The following BNC2 variants were observed in gnomAD, a reference collection of about 807,000 sequenced individuals.
The protein encoded by BNC2 is zinc finger protein basonuclin-2.
A neutral mutation model predicts 76.3 loss-of-function variants in BNC2; 20 were observed. The ratio of observed to expected loss-of-function variants is 0.26; its 90% confidence interval spans 0.18 to 0.38. The LOEUF (loss-of-function observed/expected upper bound fraction) is 0.38. Ranked by LOEUF, BNC2 falls within the 10% of genes least tolerant of loss-of-function variation. The pLI, the probability that BNC2 is intolerant of heterozygous loss-of-function variation, is 1.00. For synonymous variants in BNC2, 582 were observed against 514.8 expected, an observed-to-expected ratio of 1.13 and a Z score of -1.77; for missense variants, 1,382 against 1,399.8, an observed-to-expected ratio of 0.99 and a Z score of 0.20.
At chr9:16,474,063 A>G (rs1455953948) in intron 5 of BNC2, among the ~76,000 whole-genome samples, 1 of 152,216 alleles carries the variant, frequency 6.6e-6, no homozygotes, top group East Asian at 1.9e-4. Context: ...GATACCAAAG[A>G]TAAACAAAGA....
At chr9:16,834,167 C>CA (rs1488234072) in intron 1 of BNC2, among the ~76,000 whole-genome samples, 2 of 146,624 alleles carry the variant, frequency 1.4e-5, no homozygotes, top group South Asian at 2.2e-4. Flanking sequence ...TCTCAAAGCT[C>CA]AAAAAAACTT....
intron 3 of BNC2, among the ~76,000 whole-genome samples, chr9:16,678,566 G>A (rs1322455270): frequency 2.0e-5 from 3 of 151,694 alleles, no homozygotes; most frequent in Non-Finnish European, 2.9e-5. Context: ...GCCTGGCCAT[G>A]TATCTGTTTT....
intron 1 of BNC2, among the ~76,000 whole-genome samples, chr9:16,826,939 G>A (rs1818464700): frequency 6.6e-6 from 1 of 152,096 alleles, no homozygotes; most frequent in South Asian, 2.1e-4. Flanking sequence ...TTTGATGAAG[G>A]GACAAGCTAT....
At chr9:16,480,379 C>T (rs2131501539) in intron 5 of BNC2, among the ~76,000 whole-genome samples, 1 of 152,354 alleles carries the variant, frequency 6.6e-6, no homozygotes, top group East Asian at 1.9e-4. Flanking sequence ...ACTCTCGGCG[C>T]CTCCTCTGCC....
chr9:16,773,358 CT>C (rs1825878453), intron 1 of BNC2, among the ~76,000 whole-genome samples: 1 of 152,142 alleles, frequency 6.6e-6, no homozygotes, highest in African/African-American at 2.4e-5. Flanking sequence ...AACAAAAAGC[CT>C]TTTTTCCCCT....
intron 5 of BNC2, among the ~76,000 whole-genome samples, chr9:16,481,460 C>T (rs569184551): frequency 7.2e-5 from 11 of 152,192 alleles, no homozygotes; most frequent in Non-Finnish European, 1.0e-4. Flanking sequence ...CTGAAGCCAG[C>T]GAGACCACGA....
At chr9:16,726,558 TTAAA>T (rs759662181) in intron 3 of BNC2, among the ~76,000 whole-genome samples, 5,035 of 103,148 alleles carry the variant, frequency 0.049, 123 homozygotes, top group Non-Finnish European at 0.055. Context: ...CAAAAGCTTT[TTAAA>T]AAAAAAAAAA....
intron 1 of BNC2, among the ~76,000 whole-genome samples, chr9:16,826,464 T>C (rs1818456483): frequency 1.3e-5 from 2 of 152,142 alleles, no homozygotes; most frequent in Admixed American, 6.5e-5. Context: ...AGGTCCACTA[T>C]TTATTTAGCT....
intron 3 of BNC2, among the ~76,000 whole-genome samples, chr9:16,716,715 G>A (rs1824006208): frequency 6.6e-6 from 1 of 152,152 alleles, no homozygotes; most frequent in Non-Finnish European, 1.5e-5. Flanking sequence ...CCAGTCATAT[G>A]CCAACTAATT....
chr9:16,531,119 A>T (rs1450656557), intron 5 of BNC2, among the ~76,000 whole-genome samples: 4 of 152,224 alleles, frequency 2.6e-5, no homozygotes, highest in Admixed American at 2.0e-4. Flanking sequence ...TTTAAAAATT[A>T]CTTAAATGTT....
intron 3 of BNC2, among the ~76,000 whole-genome samples, chr9:16,714,172 C>T (rs1335261407): frequency 6.6e-6 from 1 of 152,202 alleles, no homozygotes; most frequent in Non-Finnish European, 1.5e-5. Context: ...TTACATTACA[C>T]CATTCTCAAA....
intron 1 of BNC2, 88 bp downstream of exon 1, chr9:16,870,558 C>A: frequency 2.0e-6 from 3 of 1,501,112 alleles, no homozygotes; most frequent in Non-Finnish European, 1.8e-6. Flanking sequence ...CGGACACGGC[C>A]CCCGGGCGGC....
At chr9:16,474,618 G>A (rs188328978) in intron 5 of BNC2, among the ~76,000 whole-genome samples, 1 of 152,246 alleles carries the variant, frequency 6.6e-6, no homozygotes, top group East Asian at 1.9e-4. Flanking sequence ...TGAGAATAAA[G>A]TATCTCTGCA....
intron 4 of BNC2, among the ~76,000 whole-genome samples, chr9:16,569,411 T>C (rs1009826066): frequency 3.3e-5 from 5 of 152,110 alleles, no homozygotes; most frequent in African/African-American, 1.2e-4. Flanking sequence ...TATGTGGATA[T>C]ACATACACAT....
At chr9:16,423,837 C>G (rs547732189) in intron 6 of BNC2, among the ~76,000 whole-genome samples, 1 of 152,286 alleles carries the variant, frequency 6.6e-6, no homozygotes, top group African/African-American at 2.4e-5. Context: ...TTCCTTTAAA[C>G]CTCTGTACTC....
At chr9:16,670,118 C>G (rs1039601763) in intron 3 of BNC2, among the ~76,000 whole-genome samples, 1 of 152,100 alleles carries the variant, frequency 6.6e-6, no homozygotes. Context: ...TTTCCTTACA[C>G]TCTTCTCTAA....
chr9:16,647,527 T>G (rs750135582), intron 3 of BNC2, among the ~76,000 whole-genome samples: 1 of 152,124 alleles, frequency 6.6e-6, no homozygotes, highest in Non-Finnish European at 1.5e-5. Context: ...AGTTTTTCTA[T>G]TACACAATCA....
At chr9:16,721,546 G>C (rs1392393940) in intron 3 of BNC2, among the ~76,000 whole-genome samples, 1 of 152,094 alleles carries the variant, frequency 6.6e-6, no homozygotes, top group African/African-American at 2.4e-5. Flanking sequence ...TCTGGAGAAG[G>C]GTGGTCACTG....
chr9:16,435,716 T>A lies in BNC2; in HGVS notation c.2478A>T (p.Leu826=), dbSNP rs3739715. Residue 826 remains leucine (L), a synonymous_variant, in exon 6 of 7, where the codon CTA becomes CTT. Coordinates refer to ENST00000380672, the MANE Select transcript of BNC2 (RefSeq NM_017637.6). ...AGATTTTGGGGTCTGGGCTAGAACATAGGTCACCTTCTGGGGAGAACTTTT... is the reference window on the plus strand; with the variant it reads ...AGATTTTGGGGTCTGGGCTAGAACAAAGGTCACCTTCTGGGGAGAACTTTT... ...SPQKFSPEGD[L]CSSPDPKICY... The A allele has an allele frequency of 4.3e-6, 7 of 1,613,990 alleles. No individual in the cohort carries two copies. The South Asian group carries it at 4.4e-5, about 10-fold the overall frequency.
Sources: allele counts gnomAD v4.1 joint callset (sites outside exome capture counted in the v4.1 genomes callset), GRCh38; gene constraint gnomAD v4.1.1; transcripts MANE v1.5; gene names NCBI Gene and HGNC (gene_info 2026-07-23, HGNC 2026-07-21).